The following IMMP1L variants were observed in gnomAD, a reference collection of about 807,000 sequenced individuals.
IMMP1L encodes mitochondrial inner membrane protease subunit 1.
A neutral mutation model predicts 21.8 loss-of-function variants in IMMP1L; 24 were observed. The observed-to-expected ratio is 1.10, with a 90% CI of 0.80 to 1.55. The LOEUF (loss-of-function observed/expected upper bound fraction) is 1.55, where lower values mean the gene tolerates loss of function less well. Ranked by LOEUF, IMMP1L falls within the 40% of genes most tolerant of loss-of-function variation. The pLI, the probability that IMMP1L is intolerant of heterozygous loss-of-function variation, is 0.00. For missense variants in IMMP1L, 195 were observed against 200.7 expected (o/e 0.97, Z 0.17); for synonymous variants, 46 against 62.8 (o/e 0.73, Z 1.26).
At chr11:31,496,570 C>A (rs969862233) in intron 1 of IMMP1L, among the ~76,000 whole-genome samples, 13 of 151,772 alleles carry the variant, frequency 8.6e-5, no homozygotes, top group African/African-American at 3.1e-4. Flanking sequence ...GTAGAAACAA[C>A]CCAAGAGTCT....
At chr11:31,486,638 C>T (rs1955088142) in intron 1 of IMMP1L, among the ~76,000 whole-genome samples, 1 of 151,882 alleles carries the variant, frequency 6.6e-6, no homozygotes, top group African/African-American at 2.4e-5. Context: ...AACACATTCT[C>T]AGCAATGTCA....
At chr11:31,491,291 T>C (rs1955247011) in intron 1 of IMMP1L, among the ~76,000 whole-genome samples, 1 of 152,106 alleles carries the variant, frequency 6.6e-6, no homozygotes. Flanking sequence ...AGAGAAGAGG[T>C]AAAGAAAGCT....
chr11:31,437,603 A>G (rs1399609673), intron 4 of IMMP1L, among the ~76,000 whole-genome samples: 1 of 152,236 alleles, frequency 6.6e-6, no homozygotes. Flanking sequence ...TCAATTTTAT[A>G]GAGGTATATT....
Position 31,450,629 on chromosome 11 carries a change from C to G in IMMP1L, c.321+5631G>C, listed in dbSNP as rs558169583. ...CATTGTCATAAGGTGGTCAGGTAGTCTTATCACTGGAAATAGCTTAGCTTT... is the reference window on the plus strand; with the variant it reads ...CATTGTCATAAGGTGGTCAGGTAGTGTTATCACTGGAAATAGCTTAGCTTT... On this transcript the variant is annotated intron_variant, in intron 4 of 5. Coordinates refer to ENST00000532287, the MANE Select transcript of IMMP1L (RefSeq NM_001304274.2). 8.5e-5 allele frequency among the ~76,000 whole-genome samples: 13 copies of G among 152,260 alleles called. No individual in the cohort carries two copies. The East Asian group carries it at 2.5e-3, about 29-fold the overall frequency.
intron 1 of IMMP1L, among the ~76,000 whole-genome samples, chr11:31,490,752 C>A (rs942364348): frequency 9.2e-5 from 14 of 152,064 alleles, no homozygotes; most frequent in African/African-American, 3.4e-4. Context: ...AATTCATGTT[C>A]ATCTGGAACC....
chr11:31,463,038 G>T (rs921912353), intron 2 of IMMP1L, 134 bp downstream of exon 2: 1 of 659,866 alleles, frequency 1.5e-6, no homozygotes, highest in Non-Finnish European at 2.5e-6. Context: ...TATTTAGAAA[G>T]ATTTTATGTT....
chr11:31,436,564 C>T (rs577120751), intron 4 of IMMP1L, among the ~76,000 whole-genome samples: 1 of 152,120 alleles, frequency 6.6e-6, no homozygotes, highest in South Asian at 2.1e-4. Flanking sequence ...TCCCAAGTAG[C>T]TGGGATTATA....
Position 31,451,289 on chromosome 11 carries a change from G to A in IMMP1L, c.321+4971C>T, listed in dbSNP as rs147055528. ...CATCAAAAAGGATGACCTTAGCTGC[G>A]GTGTGGAGAGTATAATGGAAAGGGT... On this transcript the variant is annotated intron_variant, in intron 4 of 5. Transcript: ENST00000532287. 2.0e-4 allele frequency among the ~76,000 whole-genome samples: 30 copies of A among 152,156 alleles called. No individual in the cohort carries two copies. The East Asian group carries it at 4.3e-3, about 22-fold the overall frequency.
intron 1 of IMMP1L, among the ~76,000 whole-genome samples, chr11:31,466,942 T>C (rs1156293350): frequency 2.6e-5 from 4 of 152,252 alleles, no homozygotes; most frequent in Admixed American, 6.5e-5. Context: ...AATGATGTGT[T>C]TGAGGTGATG....
chr11:31,460,499 C>A, intron 3 of IMMP1L, 127 bp downstream of exon 3: 2 of 594,468 alleles, frequency 3.4e-6, no homozygotes, highest in Non-Finnish European at 6.0e-6. Flanking sequence ...AAAATTTTAT[C>A]TAGCTGGTTA....
intron 1 of IMMP1L, among the ~76,000 whole-genome samples, chr11:31,465,721 G>A (rs1954312260): frequency 6.6e-6 from 1 of 151,888 alleles, no homozygotes; most frequent in Non-Finnish European, 1.5e-5. Flanking sequence ...AAATAGTGCT[G>A]GAAAATTTGG....
At chr11:31,435,081 ATG>A (rs1953074843) in intron 4 of IMMP1L, among the ~76,000 whole-genome samples, 1 of 152,210 alleles carries the variant, frequency 6.6e-6, no homozygotes, top group Non-Finnish European at 1.5e-5. Context: ...TCTTCCTAAA[ATG>A]TGTTTTTTCC....
chr11:31,499,088 G>A (rs923208140), intron 1 of IMMP1L, among the ~76,000 whole-genome samples: 7 of 152,242 alleles, frequency 4.6e-5, no homozygotes, highest in East Asian at 1.9e-4. Context: ...ACGGAGGGCC[G>A]GGCGAGGTGG....
intron 5 of IMMP1L, among the ~76,000 whole-genome samples, chr11:31,433,052 A>T (rs549346100): frequency 5.3e-5 from 8 of 152,330 alleles, no homozygotes; most frequent in African/African-American, 1.9e-4. Context: ...ATAATCATAC[A>T]TTCACAATAA....
At chr11:31,455,869 G>A (rs905038129) in intron 4 of IMMP1L, among the ~76,000 whole-genome samples, 2 of 152,096 alleles carry the variant, frequency 1.3e-5, no homozygotes, top group Admixed American at 1.3e-4. Context: ...TTGATATGTA[G>A]TGTTATGATG....
chr11:31,454,778 C>A (rs540821672), intron 4 of IMMP1L, among the ~76,000 whole-genome samples: 1 of 152,150 alleles, frequency 6.6e-6, no homozygotes, highest in Non-Finnish European at 1.5e-5. Flanking sequence ...CCTCTAATAA[C>A]TCTTAAAAAG....
At chr11:31,467,742 T>C (rs1161692592) in intron 1 of IMMP1L, among the ~76,000 whole-genome samples, 1 of 151,802 alleles carries the variant, frequency 6.6e-6, no homozygotes, top group Non-Finnish European at 1.5e-5. Flanking sequence ...TGAAACATTG[T>C]TGGTCAAAAA....
At chr11:31,460,062 G>A (rs1954083553) in intron 3 of IMMP1L, among the ~76,000 whole-genome samples, 1 of 151,994 alleles carries the variant, frequency 6.6e-6, no homozygotes, top group African/African-American at 2.4e-5. Flanking sequence ...GGAGACTAAG[G>A]GGAAGGATCA....
At chr11:31,446,953 T>C (rs1434136805) in intron 4 of IMMP1L, among the ~76,000 whole-genome samples, 1 of 152,206 alleles carries the variant, frequency 6.6e-6, no homozygotes, top group Non-Finnish European at 1.5e-5. Flanking sequence ...AAATTAAGAA[T>C]TCAGTTCCTC....
Sources: gnomAD v4.1 joint callset for allele counts (sites outside exome capture counted in the v4.1 genomes callset) on GRCh38, gnomAD v4.1.1 for gene constraint, MANE v1.5 for transcripts, NCBI Gene and HGNC (gene_info 2026-07-23, HGNC 2026-07-21) for gene names.